HID1: variants seen among roughly 807,000 people sequenced by gnomAD.
HID1 encodes HID1 domain containing.
A neutral mutation model predicts 89.7 loss-of-function variants in HID1; 42 were observed. The observed-to-expected ratio is 0.47, with a 90% CI of 0.37 to 0.61. HID1 has a LOEUF of 0.61. Ranked by LOEUF, HID1 falls within the 20% of genes least tolerant of loss-of-function variation. The pLI, the probability that HID1 is intolerant of heterozygous loss-of-function variation, is 0.00. For synonymous variants in HID1, 442 were observed against 433.8 expected, an observed-to-expected ratio of 1.02 and a Z score of -0.24; for missense variants, 854 against 1,039.3, an observed-to-expected ratio of 0.82 and a Z score of 2.45.
intron 15 of HID1, 108 bp downstream of exon 15, chr17:74,953,437 C>G (rs1027643061): frequency 7.2e-6 from 6 of 827,836 alleles, no homozygotes; most frequent in African/African-American, 1.7e-5. Context: ...GGTAACTGCC[C>G]CTCTGCTGCA....
chr17:74,960,259 A>T lies in HID1; in HGVS notation c.729-11T>A. On this transcript the variant is annotated splice_polypyrimidine_tract_variant and intron_variant, in intron 6 of 18. Transcript: ENST00000425042. The stretch of plus-strand genomic sequence containing the variant: ...AGGGGCAGGGCATGTCTGCAGCAGG[A>T]GAGGGACAAGGCTGCAGAGGCTGCA... 6.2e-7 allele frequency: 1 copy of T among 1,601,334 alleles called. No homozygotes were observed. The highest frequency in any genetic ancestry group is 8.5e-7 in the Non-Finnish European group (1 of 1,176,730).
rs370760336 is a variant in HID1 at position 74,964,617 on chromosome 17, C to T, written c.82G>A (p.Asp28Asn). 26 of 1,612,290 alleles carry T rather than the reference C, an allele frequency of 1.6e-5. No individual in the cohort carries two copies. Among genetic ancestry groups the T allele is most frequent in the African/African-American group, 6.7e-5 (5 of 74,922 alleles). Residue 28 changes from aspartate (D) to asparagine (N), a missense_variant, in exon 2 of 19, where the codon GAT (aspartate) becomes AAT (asparagine). By Grantham distance (23) the Asp-to-Asn change is conservative. Transcript: ENST00000425042. Reference protein sequence around the residue: ...TTKTQPVEATDDAFWDQFWAD... With the variant: ...TTKTQPVEATNDAFWDQFWAD... Reference sequence around the variant, plus strand: ...CAGAACTGGTCCCAAAAGGCATCATCGGTGGCTTCCACGGGCTGTGGGGGG... The same window carrying T: ...CAGAACTGGTCCCAAAAGGCATCATTGGTGGCTTCCACGGGCTGTGGGGGG...
At chr17:74,969,876 C>T (rs1282197624) in intron 1 of HID1, among the ~76,000 whole-genome samples, 1 of 151,760 alleles carries the variant, frequency 6.6e-6, no homozygotes, top group African/African-American at 2.4e-5. Context: ...GCTGGGATTA[C>T]AGCCATGAGC....
At chr17:74,951,723 A>T (rs2039302756) in intron 18 of HID1, 90 bp from the exon 19 acceptor site, 1 of 1,438,930 alleles carries the variant, frequency 6.9e-7, no homozygotes, top group Non-Finnish European at 9.6e-7. Flanking sequence ...GGCCAAGCCA[A>T]CCCTTTCCAT....
Position 74,962,373 on chromosome 17 carries a change from G to T in HID1, c.505-33C>A. The T allele has an allele frequency of 6.7e-7, 1 of 1,495,510 alleles. No individual in the cohort carries two copies. Among genetic ancestry groups the T allele is most frequent in the Non-Finnish European group, 9.3e-7 (1 of 1,080,590 alleles). 92.6% of individuals were successfully genotyped at this position (1,495,510 alleles called of 1,614,324 possible). Reference sequence around the variant, plus strand: ...CAGGCCAGGAAGAAGCCGGGTTAGGGGGTCGAGAGGTGAACAGCAGCCTGG... The same window carrying T: ...CAGGCCAGGAAGAAGCCGGGTTAGGTGGTCGAGAGGTGAACAGCAGCCTGG... On this transcript the variant is annotated intron_variant, in intron 4 of 18. Transcript: ENST00000425042. The surrounding 1 kb of genome is among the most constrained non-coding windows in gnomAD (Gnocchi z 4.3).
At position 74,964,563 on chromosome 17, in the gene HID1, C is replaced by T. The variant is rs2039534122; in HGVS notation, c.136G>A (p.Val46Met). 1.2e-6 allele frequency: 2 copies of T among 1,611,560 alleles called. No homozygotes were observed. Among genetic ancestry groups the T allele is most frequent in the Admixed American group, 1.7e-5 (1 of 59,668 alleles). ...WADTATSVQD[V>M]FALVPAAEIR... is the part of the protein sequence containing the mutation. ...TCTGCTGCCGGCACCAGTGCAAACA[C>T]ATCCTGCACCGAGGTGGCTGTGTCT... is the stretch of plus-strand genomic sequence containing the variant. Residue 46 changes from valine (V) to methionine (M), a missense_variant, in exon 2 of 19, where the codon GTG becomes ATG. By Grantham distance (21) the Val-to-Met change is conservative. Transcript: ENST00000425042.
intron 12 of HID1, among the ~76,000 whole-genome samples, chr17:74,957,013 C>T (rs939258954): frequency 2.0e-5 from 3 of 152,210 alleles, no homozygotes; most frequent in African/African-American, 7.2e-5. Context: ...CACAGCTAGT[C>T]CTAACACGTG....
chr17:74,951,541 C>G lies in HID1; in HGVS notation c.*29G>C, dbSNP rs2039298152. The G allele has an allele frequency of 6.2e-7, 1 of 1,600,488 alleles. No homozygotes were observed. The highest frequency in any genetic ancestry group is 2.2e-5 in the East Asian group (1 of 44,602). ...TCAGGGACCAAGGCCCTGCCTTCCC[C>G]TAGACTGAGCCCCTCGTCGGCTTCA... On this transcript the variant is annotated 3_prime_UTR_variant, in exon 19 of 19. Transcript: ENST00000425042.
rs763027855 is a variant in HID1 at position 74,963,068 on chromosome 17, T to A, written c.401A>T (p.Asp134Val). 6.2e-7 allele frequency: 1 copy of A among 1,608,686 alleles called. No homozygotes were observed. Among genetic ancestry groups the A allele is most frequent in the South Asian group, 1.1e-5 (1 of 90,324 alleles). ...GGCCAGGGGCCTGGCATGCTCATCA[T>A]CCTCTTCTCCCTGCTGGGGACACAG... is the stretch of plus-strand genomic sequence containing the variant. ...GAGRGGQGEE[D>V]DEHARPLAES... The change falls in exon 4 of 19, where the codon GAT becomes GTT. Residue 134 changes from aspartate (D) to valine (V), a missense_variant. By Grantham distance (152) the Asp-to-Val change is radical (BLOSUM62 -3). Transcript: ENST00000425042.
chr17:74,954,292 G>C lies in HID1; in HGVS notation c.1710C>G (p.Asp570Glu). 1 of 1,588,084 alleles carries C rather than the reference G, an allele frequency of 6.3e-7. No individual in the cohort carries two copies. The highest frequency in any genetic ancestry group is 2.3e-5 in the East Asian group (1 of 43,694). ...IFHQLANLPT[D>E]PPTIHKALQR... ...GCAGGGCCTTGTGAATGGTGGGCGG[G>C]TCCGTGGGCAGGTTGGCCAGCTGGT... Residue 570 changes from aspartate (D) to glutamate (E), a missense_variant, in exon 14 of 19, where the codon GAC becomes GAG. By Grantham distance (45) the Asp-to-Glu change is conservative. Transcript: ENST00000425042.
chr17:74,961,853 A>C lies in HID1; in HGVS notation c.728+20T>G. On this transcript the variant is annotated intron_variant, in intron 6 of 18. Transcript: ENST00000425042. Reference sequence around the variant, plus strand: ...TGGAATAAGAGGGAAGAGAGCGCAGAAAGGCCAAGGGCCCTTCACCTGTTC... The same window carrying C: ...TGGAATAAGAGGGAAGAGAGCGCAGCAAGGCCAAGGGCCCTTCACCTGTTC... 7.2e-7 allele frequency: 1 copy of C among 1,397,570 alleles called. No individual in the cohort carries two copies. Among genetic ancestry groups the C allele is most frequent in the Non-Finnish European group, 9.4e-7 (1 of 1,060,290 alleles). 86.6% of individuals were successfully genotyped at this position (1,397,570 alleles called of 1,614,324 possible).
intron 1 of HID1, among the ~76,000 whole-genome samples, chr17:74,968,865 G>T (rs183657271): frequency 3.9e-5 from 6 of 152,218 alleles, no homozygotes; most frequent in Non-Finnish European, 7.3e-5. Flanking sequence ...CAGTGTCACC[G>T]GGGGACTAAA....
Position 74,964,600 on chromosome 17 carries a change from G to A in HID1, c.99C>T (p.Asp33=). The A allele has an allele frequency of 6.2e-7, 1 of 1,612,580 alleles. No individual in the cohort carries two copies. Among genetic ancestry groups the A allele is most frequent in the Non-Finnish European group, 8.5e-7 (1 of 1,179,584 alleles). ...AGGTGGCTGTGTCTGCCCAGAACTG[G>A]TCCCAAAAGGCATCATCGGTGGCTT... is the stretch of plus-strand genomic sequence containing the variant. The part of the protein sequence containing the change: ...PVEATDDAFW[D]QFWADTATSV... Residue 33 remains aspartate (D), a synonymous_variant, in exon 2 of 19, where the codon GAC becomes GAT. Transcript: ENST00000425042.
chr17:74,969,186 A>C (rs2039606801), intron 1 of HID1, among the ~76,000 whole-genome samples: 1 of 151,608 alleles, frequency 6.6e-6, no homozygotes, highest in Non-Finnish European at 1.5e-5. Flanking sequence ...GGAAGCTTCT[A>C]ATATCTGATC....
intron 2 of HID1, 25 bp downstream of exon 2, chr17:74,964,458 G>C (rs2039531810): frequency 1.2e-6 from 2 of 1,600,462 alleles, no homozygotes; most frequent in Non-Finnish European, 1.7e-6. Context: ...TGGAAGAGTA[G>C]CAGGAGGGAC....
chr17:74,951,353 G>A lies in HID1; in HGVS notation c.*217C>T, dbSNP rs2039295018. On this transcript the variant is annotated 3_prime_UTR_variant, in exon 19 of 19. Transcript: ENST00000425042. The stretch of plus-strand genomic sequence containing the variant: ...TCTCTGGTGGGGGCATAGCCCCAGA[G>A]ATGGGGCTCCTGTGAGTCCAGCCTA... 1.7e-6 allele frequency: 1 copy of A among 590,010 alleles called. No homozygotes were observed. Among genetic ancestry groups the A allele is most frequent in the Non-Finnish European group, 3.0e-6 (1 of 332,122 alleles). The allele number at this position is 590,010 out of a possible 1,614,324, so 36.5% of individuals were successfully genotyped here.
chr17:74,962,004 G>C lies in HID1; in HGVS notation c.612-15C>G, dbSNP rs140704812. The C allele has an allele frequency of 1.0e-3, 1,611 of 1,540,494 alleles. 15 individuals carry two copies. The African/African-American group carries it at 0.018, about 17-fold the overall frequency. Reference sequence around the variant, plus strand: ...GCAGCTCCATCCTTGTAGGAGGAAGGGGGAGGGCACCTTAGGATCCCAGTC... The same window carrying C: ...GCAGCTCCATCCTTGTAGGAGGAAGCGGGAGGGCACCTTAGGATCCCAGTC... On this transcript the variant is annotated splice_polypyrimidine_tract_variant and intron_variant, in intron 5 of 18. Coordinates refer to ENST00000425042, the MANE Select transcript of HID1 (RefSeq NM_030630.3). The surrounding 1 kb of genome is among the most constrained non-coding windows in gnomAD (Gnocchi z 4.3).
rs2039296245 is a variant in HID1 at position 74,951,437 on chromosome 17, A to T, written c.*133T>A. On this transcript the variant is annotated 3_prime_UTR_variant, in exon 19 of 19. Transcript: ENST00000425042. ...TCCTGGCCACAGGGGTCTCTAGGGC[A>T]TGACACTCAGGGCCACTCTGCCTGT... 1 of 841,420 alleles carries T rather than the reference A, an allele frequency of 1.2e-6. No individual in the cohort carries two copies. Among genetic ancestry groups the T allele is most frequent in the Non-Finnish European group, 1.9e-6 (1 of 517,120 alleles). The allele number at this position is 841,420 out of a possible 1,614,324, so 52.1% of individuals were successfully genotyped here. A position where few individuals can be genotyped will look rare whatever the true frequency, so the allele number is the denominator to read the frequency against.
At chr17:74,952,811 A>G (rs1001128165) in intron 16 of HID1, among the ~76,000 whole-genome samples, 195 bp downstream of exon 16, 2 of 152,202 alleles carry the variant, frequency 1.3e-5, no homozygotes, top group Non-Finnish European at 2.9e-5. Flanking sequence ...CGAGCCAGAG[A>G]GGCTGAACAC....
Sources: allele counts gnomAD v4.1 joint callset (sites outside exome capture counted in the v4.1 genomes callset), GRCh38; gene constraint gnomAD v4.1.1; non-coding constraint Gnocchi (gnomAD v3.1); transcripts MANE v1.5; gene names NCBI Gene and HGNC (gene_info 2026-07-23, HGNC 2026-07-21).